The following CNTNAP2 variants were observed in gnomAD, a reference collection of about 807,000 sequenced individuals.
CNTNAP2 encodes the protein contactin-associated protein-like 2.
In CNTNAP2, 98 loss-of-function variants were observed where a neutral mutation model predicts 155.2. The observed-to-expected ratio is 0.63, with a 90% CI of 0.54 to 0.75. The LOEUF is 0.75. Among genes scored for constraint, CNTNAP2 ranks in the 30% least tolerant of loss-of-function variants. CNTNAP2 has a pLI of 0.00. For synonymous variants in CNTNAP2, 651 were observed against 631.2 expected (o/e 1.03, Z -0.47); for missense variants, 1,727 against 1,688.1 (o/e 1.02, Z -0.40).
At chr7:146,652,632 T>C (rs572895706) in intron 1 of CNTNAP2, among the ~76,000 whole-genome samples, 1 of 152,248 alleles carries the variant, frequency 6.6e-6, no homozygotes, top group South Asian at 2.1e-4. Flanking sequence ...AATAGAATAT[T>C]ATAGACTTAT....
At chr7:146,916,474 T>C (rs756941003) in intron 3 of CNTNAP2, among the ~76,000 whole-genome samples, 11 of 152,122 alleles carry the variant, frequency 7.2e-5, no homozygotes, top group Non-Finnish European at 1.5e-4. Context: ...TTGTTGTTGA[T>C]GATAACTTTT....
At chr7:147,611,498 CCTT>C in intron 12 of CNTNAP2, among the ~76,000 whole-genome samples, 1 of 152,156 alleles carries the variant, frequency 6.6e-6, no homozygotes, top group East Asian at 1.9e-4. Context: ...TAACGGATAT[CCTT>C]CTTCCTAGAA....
rs190653607 is a variant in CNTNAP2 at position 146,555,058 on chromosome 7, C to T, written c.98-219213C>T. Among the ~76,000 whole-genome samples, 4 of 152,318 alleles carry T rather than the reference C, an allele frequency of 2.6e-5. No homozygotes were observed. In the East Asian group the frequency reaches 7.7e-4, roughly 29 times the overall value. ...GGATGAAATCTTGATCCTCTTACTA[C>T]AGGTTTCTTACTCTTCCCTCAGCAG... is the stretch of plus-strand genomic sequence containing the variant. On this transcript the variant is annotated intron_variant, in intron 1 of 23. Transcript: ENST00000361727.
chr7:146,412,419 G>A (rs959092926), intron 1 of CNTNAP2, among the ~76,000 whole-genome samples: 2 of 152,146 alleles, frequency 1.3e-5, no homozygotes, highest in African/African-American at 4.8e-5. Context: ...AGAGTCTCAG[G>A]GAAAGAAATT....
At chr7:146,239,223 CCT>C (rs1281510205) in intron 1 of CNTNAP2, among the ~76,000 whole-genome samples, 1 of 150,722 alleles carries the variant, frequency 6.6e-6, no homozygotes, top group African/African-American at 2.5e-5. Context: ...CATTTTCCCC[CCT>C]GATGTTATTT....
intron 20 of CNTNAP2, among the ~76,000 whole-genome samples, chr7:148,265,108 AGAGT>A (rs760975618): frequency 1.3e-5 from 2 of 152,226 alleles, no homozygotes; most frequent in Non-Finnish European, 2.9e-5. Flanking sequence ...TTAACAAAAG[AGAGT>A]AAGTAAACAG....
At chr7:147,094,108 C>T (rs575951241) in intron 4 of CNTNAP2, among the ~76,000 whole-genome samples, 69 of 152,200 alleles carry the variant, frequency 4.5e-4, no homozygotes, top group Middle Eastern at 3.4e-3. Flanking sequence ...AGCCGCAACC[C>T]CATGGCACCT....
intron 15 of CNTNAP2, among the ~76,000 whole-genome samples, chr7:148,064,176 T>C (rs1398902857): frequency 6.6e-6 from 1 of 152,138 alleles, no homozygotes; most frequent in African/African-American, 2.4e-5. Context: ...TGCCTCCAGA[T>C]TTGTTATTTT....
chr7:147,765,065 T>G (rs1797363167), intron 13 of CNTNAP2, among the ~76,000 whole-genome samples: 1 of 152,224 alleles, frequency 6.6e-6, no homozygotes, highest in Non-Finnish European at 1.5e-5. Context: ...AGTCAAACAT[T>G]CTGGTTTTAA....
At chr7:147,680,797 A>G (rs111460017) in intron 13 of CNTNAP2, among the ~76,000 whole-genome samples, 25 of 151,640 alleles carry the variant, frequency 1.6e-4, no homozygotes, top group African/African-American at 5.3e-4. Flanking sequence ...TATACAATAC[A>G]TTATAATAAA....
At chr7:146,463,410 T>C (rs1298534579) in intron 1 of CNTNAP2, among the ~76,000 whole-genome samples, 20 of 152,112 alleles carry the variant, frequency 1.3e-4, no homozygotes, top group Non-Finnish European at 2.9e-5. Flanking sequence ...TAATCTACTC[T>C]TCAGTATAAA....
chr7:147,890,410 G>A (rs547631691), intron 13 of CNTNAP2, among the ~76,000 whole-genome samples: 99 of 152,178 alleles, frequency 6.5e-4, no homozygotes, highest in African/African-American at 2.2e-3. Flanking sequence ...AAATTAGGAC[G>A]ACCATTATGA....
chr7:147,560,436 G>T (rs1800040783), intron 11 of CNTNAP2, among the ~76,000 whole-genome samples: 1 of 151,904 alleles, frequency 6.6e-6, no homozygotes, highest in Non-Finnish European at 1.5e-5. Context: ...GCTTTTTATT[G>T]TACTGTTTTA....
chr7:148,409,987 C>G (rs71532731), intron 23 of CNTNAP2, among the ~76,000 whole-genome samples: 2 of 70,302 alleles, frequency 2.8e-5, no homozygotes, highest in African/African-American at 7.4e-5. Flanking sequence ...GGAGGCGGAG[C>G]TTGCAGTGAG....
intron 18 of CNTNAP2, among the ~76,000 whole-genome samples, chr7:148,183,475 CTTTTTTTT>C (rs71527885): frequency 4.9e-5 from 4 of 82,258 alleles, no homozygotes; most frequent in Non-Finnish European, 8.9e-5. Flanking sequence ...TACTTATTTG[CTTTTTTTT>C]TTTTTTTTTT....
chr7:147,909,426 G>A (rs1289516608), intron 14 of CNTNAP2, among the ~76,000 whole-genome samples: 2 of 152,116 alleles, frequency 1.3e-5, no homozygotes, highest in Admixed American at 1.3e-4. Context: ...TAAAAATGGA[G>A]CCAGGATAAA....
At chr7:146,300,198 A>T (rs1584856122) in intron 1 of CNTNAP2, among the ~76,000 whole-genome samples, 1 of 152,218 alleles carries the variant, frequency 6.6e-6, no homozygotes, top group Non-Finnish European at 1.5e-5. Context: ...AACAATCCAC[A>T]TGTAGAGTAT....
intron 3 of CNTNAP2, among the ~76,000 whole-genome samples, chr7:146,962,331 A>G (rs1797571604): frequency 6.6e-6 from 1 of 152,154 alleles, no homozygotes; most frequent in East Asian, 1.9e-4. Flanking sequence ...GCCGATCTTT[A>G]CTGTTGCTGA....
chr7:146,322,723 C>G (rs1801028261), intron 1 of CNTNAP2, among the ~76,000 whole-genome samples: 1 of 128,548 alleles, frequency 7.8e-6, no homozygotes, highest in Non-Finnish European at 1.6e-5. Context: ...GATGAAAGTA[C>G]AGTGGGGAAA....
Sources: allele counts gnomAD v4.1 joint callset (sites outside exome capture counted in the v4.1 genomes callset), GRCh38; gene constraint gnomAD v4.1.1; transcripts MANE v1.5; gene names NCBI Gene and HGNC (gene_info 2026-07-23, HGNC 2026-07-21).